Variants in GRIK2 observed in about 807,000 individuals in gnomAD.
GRIK2 encodes the protein glutamate ionotropic receptor kainate type subunit 2, also known as glutamate receptor ionotropic, kainate 2.
In GRIK2, 32 loss-of-function variants were observed where a neutral mutation model predicts 100.3. The ratio of observed to expected loss-of-function variants is 0.32; its 90% CI spans 0.24 to 0.43. The LOEUF (loss-of-function observed/expected upper bound fraction) is 0.43, where lower values mean the gene tolerates loss of function less well. Ranked by LOEUF, GRIK2 falls within the 20% of genes least tolerant of loss-of-function variation. The pLI, the probability that GRIK2 is intolerant of heterozygous loss-of-function variation, is 1.00. For missense variants in GRIK2, 843 were observed against 1,114.9 expected, an observed-to-expected ratio of 0.76 and a Z score of 3.47; for synonymous variants, 417 against 389.4, an observed-to-expected ratio of 1.07 and a Z score of -0.83.
At chr6:101,970,681 C>T (rs1196753819) in intron 14 of GRIK2, among the ~76,000 whole-genome samples, 1 of 150,910 alleles carries the variant, frequency 6.6e-6, no homozygotes, top group Non-Finnish European at 1.5e-5. Context: ...ACTCATGCCC[C>T]ATCCCAATAT....
chr6:101,569,465 T>C (rs934310479), intron 2 of GRIK2, among the ~76,000 whole-genome samples: 8 of 151,872 alleles, frequency 5.3e-5, no homozygotes, highest in Non-Finnish European at 1.2e-4. Flanking sequence ...GTAAATAATC[T>C]GCTTAGTAAA....
chr6:102,062,563 T>C (rs781535463), intron 16 of GRIK2, among the ~76,000 whole-genome samples: 5 of 150,648 alleles, frequency 3.3e-5, no homozygotes, highest in Non-Finnish European at 7.5e-5. Flanking sequence ...GACTGCTGAA[T>C]AGCTTATGTA....
chr6:101,474,380 C>G (rs1355081516), intron 2 of GRIK2, among the ~76,000 whole-genome samples: 2 of 151,776 alleles, frequency 1.3e-5, no homozygotes, highest in Non-Finnish European at 3.0e-5. Flanking sequence ...ATTGTAGCTT[C>G]TTTGAGGAGG....
rs201081696 is a variant in GRIK2 at position 101,878,077 on chromosome 6, A to G, written c.1525-11563A>G. ...TGCTTAGAATCGTGCCAGGTATATTATATTATATTATATTATATTATATTA... is the reference window on the plus strand; with the variant it reads ...TGCTTAGAATCGTGCCAGGTATATTGTATTATATTATATTATATTATATTA... On this transcript the variant is annotated intron_variant, in intron 11 of 16. Transcript: ENST00000369134. Among the ~76,000 whole-genome samples, 15 of 51,938 alleles carry G rather than the reference A, an allele frequency of 2.9e-4. No homozygotes were observed. The East Asian group carries it at 0.01, about 36-fold the overall frequency. 34.1% of individuals were successfully genotyped at this position (51,938 alleles called of 152,430 possible).
At chr6:101,699,868 C>T (rs555218771) in intron 7 of GRIK2, among the ~76,000 whole-genome samples, 5 of 152,086 alleles carry the variant, frequency 3.3e-5, no homozygotes, top group African/African-American at 7.2e-5. Flanking sequence ...ACACCAAAGC[C>T]GGGCTTGGTG....
intron 10 of GRIK2, among the ~76,000 whole-genome samples, chr6:101,835,341 T>C (rs1252770177): frequency 6.6e-6 from 1 of 152,138 alleles, no homozygotes. Flanking sequence ...TGGGTTTAAG[T>C]AAGGGTGATT....
intron 2 of GRIK2, among the ~76,000 whole-genome samples, chr6:101,549,392 G>A (rs1776403754): frequency 6.6e-6 from 1 of 151,982 alleles, no homozygotes; most frequent in Non-Finnish European, 1.5e-5. Context: ...GGATTTTGCA[G>A]GTGGTTTTAT....
At chr6:101,765,063 T>A (rs1170537133) in intron 7 of GRIK2, among the ~76,000 whole-genome samples, 1 of 152,178 alleles carries the variant, frequency 6.6e-6, no homozygotes, top group East Asian at 1.9e-4. Context: ...TTCTGAGCTG[T>A]CACATCTTTC....
At chr6:101,905,833 CTA>C (rs1788181827) in intron 12 of GRIK2, among the ~76,000 whole-genome samples, 1 of 151,298 alleles carries the variant, frequency 6.6e-6, no homozygotes, top group African/African-American at 2.4e-5. Context: ...CTGCCAGTCA[CTA>C]TACCTACTCT....
intron 14 of GRIK2, among the ~76,000 whole-genome samples, chr6:102,001,147 C>G (rs1048021965): frequency 8.6e-5 from 13 of 151,064 alleles, no homozygotes; most frequent in Non-Finnish European, 1.9e-4. Flanking sequence ...CAAATGCCCG[C>G]TAGGTGCCCA....
intron 11 of GRIK2, among the ~76,000 whole-genome samples, chr6:101,868,406 T>A (rs1785186170): frequency 6.6e-6 from 1 of 151,794 alleles, no homozygotes; most frequent in African/African-American, 2.4e-5. Context: ...AAATTTTGTA[T>A]GTAATTTAAA....
chr6:101,854,594 A>C (rs1784324594), intron 10 of GRIK2, among the ~76,000 whole-genome samples: 1 of 152,082 alleles, frequency 6.6e-6, no homozygotes, highest in Non-Finnish European at 1.5e-5. Context: ...AATCATGAAA[A>C]ATTATTGGGA....
intron 5 of GRIK2, among the ~76,000 whole-genome samples, chr6:101,680,231 A>G (rs1194246007): frequency 6.6e-6 from 1 of 152,136 alleles, no homozygotes; most frequent in Non-Finnish European, 1.5e-5. Flanking sequence ...CTTCTCCACC[A>G]TCTCCTCAAC....
chr6:101,533,566 A>G (rs1246157051), intron 2 of GRIK2, among the ~76,000 whole-genome samples: 2 of 151,934 alleles, frequency 1.3e-5, no homozygotes, highest in African/African-American at 4.8e-5. Context: ...TTTTTAATCT[A>G]CAAAACTATT....
chr6:101,944,643 T>C (rs1791161143), intron 14 of GRIK2, among the ~76,000 whole-genome samples: 1 of 152,148 alleles, frequency 6.6e-6, no homozygotes, highest in Admixed American at 6.5e-5. Flanking sequence ...TTTTTTGTGC[T>C]AATATCACAC....
chr6:101,836,867 T>C (rs939876964), intron 10 of GRIK2, among the ~76,000 whole-genome samples: 1 of 151,606 alleles, frequency 6.6e-6, no homozygotes, highest in Non-Finnish European at 1.5e-5. Flanking sequence ...GGTTTCACCA[T>C]ATTGGCCAGG....
chr6:101,610,131 A>G (rs146280943), intron 2 of GRIK2, among the ~76,000 whole-genome samples: 322 of 151,672 alleles, frequency 2.1e-3, no homozygotes, highest in Middle Eastern at 7.2e-3. Flanking sequence ...ATATACATTT[A>G]TATATAATAG....
intron 2 of GRIK2, among the ~76,000 whole-genome samples, chr6:101,547,840 T>C (rs1271668298): frequency 6.6e-6 from 1 of 151,860 alleles, no homozygotes; most frequent in Non-Finnish European, 1.5e-5. Flanking sequence ...TACCCAGTAA[T>C]GAGATGGCTG....
intron 14 of GRIK2, among the ~76,000 whole-genome samples, chr6:101,976,924 G>GTGGAATAT (rs1444073226): frequency 1.3e-5 from 2 of 151,912 alleles, no homozygotes; most frequent in African/African-American, 4.8e-5. Flanking sequence ...TAGTGGAATA[G>GTGGAATAT]TGGAATGGAG....
Sources: allele counts gnomAD v4.1 joint callset (sites outside exome capture counted in the v4.1 genomes callset), GRCh38; gene constraint gnomAD v4.1.1; transcripts MANE v1.5; gene names NCBI Gene and HGNC (gene_info 2026-07-23, HGNC 2026-07-21).